Variants in LTK observed in about 807,000 individuals in gnomAD.
LTK encodes the protein leukocyte receptor tyrosine kinase.
In LTK, 117 loss-of-function variants were observed where a neutral mutation model predicts 101.5. The ratio of observed to expected loss-of-function variants is 1.15; its 90% CI spans 0.99 to 1.34. LTK has a LOEUF of 1.34. Among genes scored for constraint, LTK ranks in the 40% most tolerant of loss-of-function variants. The pLI, the probability that LTK is intolerant of heterozygous loss-of-function variation, is 0.00. For missense variants in LTK, 1,252 were observed against 1,164.7 expected (o/e 1.07, Z -1.09); for synonymous variants, 563 against 494.2 (o/e 1.14, Z -1.85).
At chr15:41,509,240 T>C in intron 7 of LTK, 111 bp from the exon 8 acceptor site, 2 of 735,204 alleles carry the variant, frequency 2.7e-6, no homozygotes, top group East Asian at 2.6e-5. Flanking sequence ...AGCATCATGA[T>C]GCAAATGCTG....
intron 3 of LTK, 41 bp downstream of exon 3, chr15:41,512,666 C>A: frequency 6.7e-7 from 1 of 1,502,102 alleles, no homozygotes; most frequent in Middle Eastern, 2.4e-4. Flanking sequence ...AAACCTCCAA[C>A]TAGCAGGTCA....
chr15:41,513,237 C>T lies in LTK; in HGVS notation c.44-117G>A, dbSNP rs1050870819. ...GTCGCGGCCACACCCGTCACCCGGC[C>T]CAGCCGCGCTCTCAGCCTGGAAGCC... On this transcript the variant is annotated intron_variant, in intron 1 of 19. Transcript: ENST00000263800. 1.4e-5 allele frequency: 17 copies of T among 1,240,164 alleles called. No homozygotes were observed. The African/African-American group carries it at 2.4e-4, about 18-fold the overall frequency. 76.8% of individuals were successfully genotyped at this position (1,240,164 alleles called of 1,614,324 possible).
Position 41,504,592 on chromosome 15 carries a change from G to T in LTK, c.2169C>A (p.Pro723=). Residue 723 remains proline, a synonymous_variant, in exon 18 of 20, where the codon CCC becomes CCA. Transcript: ENST00000263800. ...CCTCCTGGTTGGTGCGCCCAGGATAGGGCATGTAGCCCAGTGAGAAGATCT... is the reference window on the plus strand; with the variant it reads ...CCTCCTGGTTGGTGCGCCCAGGATATGGCATGTAGCCCAGTGAGAAGATCT... ...LWEIFSLGYM[P]YPGRTNQEVL... 6.2e-7 allele frequency: 1 copy of T among 1,613,786 alleles called. No individual in the cohort carries two copies.
chr15:41,504,240 G>A lies in LTK; in HGVS notation c.2351C>T (p.Pro784Leu), dbSNP rs758895863. 60 of 1,607,738 alleles carry A rather than the reference G, an allele frequency of 3.7e-5. No individual in the cohort carries two copies. The highest frequency in any genetic ancestry group is 1.1e-4 in the East Asian group (5 of 44,758). Residue 784 changes from proline to leucine, a missense_variant, in exon 20 of 20, where the codon CCG (proline) becomes CTG (leucine). Transcript: ENST00000263800. ...TGGCAGGAGTGAATTCAGCACATCC[G>A]GGTCCTGTAATGGAAGAGTCAGGGA... ...LERLQYCTQD[P>L]DVLNSLLPME...
chr15:41,511,777 G>A lies in LTK; in HGVS notation c.657+40C>T. ...GGTGCGTGAGCGCCCCTGGGGAGAG[G>A]ATTGGGACCCCAACGCTGAGCGCCG... On this transcript the variant is annotated intron_variant, in intron 5 of 19. Transcript: ENST00000263800. This position sits in a 1 kb window ranked among gnomAD's most constrained non-coding sequence, Gnocchi z 5.9. The A allele has an allele frequency of 3.4e-6, 5 of 1,479,250 alleles. No homozygotes were observed. Among genetic ancestry groups the A allele is most frequent in the Non-Finnish European group, 2.7e-6 (3 of 1,126,374 alleles). The allele number at this position is 1,479,250 out of a possible 1,614,324, so 91.6% of individuals were successfully genotyped here.
chr15:41,510,692 C>T (rs1411974085), intron 7 of LTK, among the ~76,000 whole-genome samples: 2 of 152,062 alleles, frequency 1.3e-5, no homozygotes, highest in Non-Finnish European at 2.9e-5. Context: ...AACTGGTGAC[C>T]TCAGGTGATC....
rs1203929943 is a variant in LTK at position 41,505,742 on chromosome 15, C to G, written c.1668G>C (p.Leu556=). 19 of 1,613,948 alleles carry G rather than the reference C, an allele frequency of 1.2e-5. No homozygotes were observed. Among genetic ancestry groups the G allele is most frequent in the Non-Finnish European group, 1.6e-5 (19 of 1,179,948 alleles). The part of the protein sequence containing the change: ...LPELCSPQDE[L]DFLMEALIIS... ...TGATGAGGGCCTCCATGAGGAAATC[C>G]AGCTCATCCTGAGGCGAGCAGAGTT... is the stretch of plus-strand genomic sequence containing the variant. The change falls in exon 13 of 20, where the codon CTG becomes CTC. Residue 556 remains leucine (L), a synonymous_variant. Transcript: ENST00000263800.
rs1267015266 is a variant in LTK at position 41,505,954 on chromosome 15, G to A, written c.1593C>T (p.Gly531=). 1 of 1,614,010 alleles carries A rather than the reference G, an allele frequency of 6.2e-7. No homozygotes were observed. Among genetic ancestry groups the A allele is most frequent in the Non-Finnish European group, 8.5e-7 (1 of 1,179,936 alleles). The change falls in exon 12 of 20, where the codon GGC becomes GGT. Residue 531 remains glycine (G), a synonymous_variant. Transcript: ENST00000263800. ...FGEVYEGLVI[G]LPGDSSPLQV... The stretch of plus-strand genomic sequence containing the variant: ...GCAGGGGACTGGAGTCCCCAGGAAG[G>A]CCAATTACCAGTCCCTCATACACCT...
chr15:41,512,722 C>G lies in LTK; in HGVS notation c.344G>C (p.Gly115Ala), dbSNP rs1171987487. ...GTGCACTTACAGATACTGGCCAGGGCCCGGCACGCGCCACAGCTGCACGCC... is the reference window on the plus strand; with the variant it reads ...GTGCACTTACAGATACTGGCCAGGGGCCGGCACGCGCCACAGCTGCACGCC... ...LRGVQLWRVP[G>A]PGQYLISAYG... The change falls in exon 3 of 20, where the codon GGC becomes GCC. Residue 115 changes from glycine to alanine, a missense_variant. Coordinates refer to ENST00000263800, the MANE Select transcript of LTK (RefSeq NM_002344.6). 4 of 1,596,240 alleles carry G rather than the reference C, an allele frequency of 2.5e-6. No homozygotes were observed. Among genetic ancestry groups the G allele is most frequent in the Non-Finnish European group, 8.5e-7 (1 of 1,173,810 alleles).
Position 41,505,414 on chromosome 15 carries a change from C to A in LTK, c.1814G>T (p.Ser605Ile). Residue 605 changes from serine (S) to isoleucine (I), a missense_variant, in exon 14 of 20, where the codon AGT becomes ATT. Transcript: ENST00000263800. ...GGDMKSFLRH[S>I]RPHLGQPSPL... is the part of the protein sequence containing the mutation. ...CAAGGGTCTCACCAGGTGTGGCCGACTGTGCCTCAGGAAACTCTTCATGTC... is the reference window on the plus strand; with the variant it reads ...CAAGGGTCTCACCAGGTGTGGCCGAATGTGCCTCAGGAAACTCTTCATGTC... 1 of 1,613,960 alleles carries A rather than the reference C, an allele frequency of 6.2e-7. No homozygotes were observed. The highest frequency in any genetic ancestry group is 1.3e-5 in the African/African-American group (1 of 75,000).
Position 41,509,101 on chromosome 15 carries a change from G to C in LTK, c.1026C>G (p.Leu342=), listed in dbSNP as rs780917668. The C allele has an allele frequency of 6.2e-7, 1 of 1,613,904 alleles. No homozygotes were observed. The highest frequency in any genetic ancestry group is 8.5e-7 in the Non-Finnish European group (1 of 1,179,836). ...ATACTCCATCTTCCCCATCAGCCCA[G>C]AGGTTGTCAGTCTCTGAAGCGTCGC... is the stretch of plus-strand genomic sequence containing the variant. ...RGGDASETDN[L]WADGEDGVSF... is the part of the protein sequence containing the mutation. The change falls in exon 8 of 20, where the codon CTC becomes CTG. Residue 342 remains leucine (L), a synonymous_variant. Coordinates refer to ENST00000263800, the MANE Select transcript of LTK (RefSeq NM_002344.6).
chr15:41,511,759 G>A lies in LTK; in HGVS notation c.657+58C>T. 5 of 1,455,240 alleles carry A rather than the reference G, an allele frequency of 3.4e-6. No individual in the cohort carries two copies. Among genetic ancestry groups the A allele is most frequent in the African/African-American group, 1.5e-5 (1 of 66,244 alleles). 90.1% of individuals were successfully genotyped at this position (1,455,240 alleles called of 1,614,324 possible). ...AGGGACGGACGGAGAGCCGGTGCGT[G>A]AGCGCCCCTGGGGAGAGGATTGGGA... On this transcript the variant is annotated intron_variant, in intron 5 of 19. Transcript: ENST00000263800. The surrounding 1 kb of genome is among the most constrained non-coding windows in gnomAD (Gnocchi z 5.9).
At chr15:41,509,185 G>T in intron 7 of LTK, 56 bp from the exon 8 acceptor site, 1 of 1,042,846 alleles carries the variant, frequency 9.6e-7, no homozygotes, top group Non-Finnish European at 1.5e-6. Flanking sequence ...TGGGGGAGAA[G>T]CTGGAATCTC....
In LTK at chr15:41,504,612, A is replaced by T; in HGVS notation, c.2149T>A (p.Phe717Ile). Residue 717 changes from phenylalanine to isoleucine, a missense_variant, in exon 18 of 20, where the codon TTC (phenylalanine) becomes ATC (isoleucine). Physicochemically the swap from Phe to Ile is conservative, Grantham distance 21. Transcript: ENST00000263800. ...GGATAGGGCATGTAGCCCAGTGAGA[A>T]GATCTCCCAGAGCAGCACCCCAAAA... ...WSFGVLLWEI[F>I]SLGYMPYPGR... 6.2e-7 allele frequency: 1 copy of T among 1,613,574 alleles called. No homozygotes were observed. Among genetic ancestry groups the T allele is most frequent in the Non-Finnish European group, 8.5e-7 (1 of 1,179,966 alleles).
At position 41,511,680 on chromosome 15, in the gene LTK, G is replaced by A. The variant is rs2051468241; in HGVS notation, c.658-102C>T. ...CCAGGGGGCCTGGATAAGGGCAGGGGCCCCCAGCCCAGCCCAGGCCAGCCC... is the reference window on the plus strand; with the variant it reads ...CCAGGGGGCCTGGATAAGGGCAGGGACCCCCAGCCCAGCCCAGGCCAGCCC... On this transcript the variant is annotated intron_variant, in intron 5 of 19. Transcript: ENST00000263800. This position sits in a 1 kb window ranked among gnomAD's most constrained non-coding sequence, Gnocchi z 5.9. 1 of 1,406,828 alleles carries A rather than the reference G, an allele frequency of 7.1e-7. No individual in the cohort carries two copies. Among genetic ancestry groups the A allele is most frequent in the Non-Finnish European group, 9.2e-7 (1 of 1,088,848 alleles). The allele number at this position is 1,406,828 out of a possible 1,614,324, so 87.1% of individuals were successfully genotyped here.
chr15:41,512,703 T>C lies in LTK; in HGVS notation c.359+4A>G. On this transcript the variant is annotated splice_donor_region_variant and intron_variant, in intron 3 of 19. Coordinates refer to ENST00000263800, the MANE Select transcript of LTK (RefSeq NM_002344.6). ...TGTCCACCCTACCTCCGCCGTGCAC[T>C]TACAGATACTGGCCAGGGCCCGGCA... is the stretch of plus-strand genomic sequence containing the variant. The C allele has an allele frequency of 6.4e-7, 1 of 1,572,762 alleles. No homozygotes were observed. Among genetic ancestry groups the C allele is most frequent in the Non-Finnish European group, 8.6e-7 (1 of 1,162,470 alleles).
In LTK at chr15:41,512,278, G is replaced by C. The variant is rs749979204; in HGVS notation, c.360-13C>G. The C allele has an allele frequency of 6.2e-7, 1 of 1,609,382 alleles. No individual in the cohort carries two copies. Among genetic ancestry groups the C allele is most frequent in the Non-Finnish European group, 8.5e-7 (1 of 1,177,798 alleles). ...GTAGGCTGAGATCCTGCGGGGAACG[G>C]ACGGTGAGTCCCCGGCCTTCGGTGC... On this transcript the variant is annotated splice_polypyrimidine_tract_variant and intron_variant, in intron 3 of 19. Coordinates refer to ENST00000263800, the MANE Select transcript of LTK (RefSeq NM_002344.6).
intron 14 of LTK, 32 bp downstream of exon 14, chr15:41,505,369 G>A: frequency 6.3e-7 from 1 of 1,590,834 alleles, no homozygotes; most frequent in Non-Finnish European, 8.5e-7. Flanking sequence ...GGTCTTTAGA[G>A]GGGCCTGGGG....
rs2051316632 is a variant in LTK, at chr15:41,507,252, G to A, written c.1384C>T (p.Leu462=). The change falls in exon 11 of 20, where the codon CTG becomes TTG. Residue 462 remains leucine (L), a synonymous_variant. Transcript: ENST00000263800. Reference sequence around the variant, plus strand: ...CTCAGCTCAAGCTCAGGGCTCGGCAGCCTCATCTCCTGCAGGCCCTGCCAC... The same window carrying A: ...CTCAGCTCAAGCTCAGGGCTCGGCAACCTCATCTCCTGCAGGCCCTGCCAC... ...KKWQGLQEMR[L]PSPELELSKL... is the part of the protein sequence containing the mutation. 1.9e-6 allele frequency: 3 copies of A among 1,608,490 alleles called. No individual in the cohort carries two copies. The highest frequency in any genetic ancestry group is 1.7e-5 in the Admixed American group (1 of 58,234).
Sources: gnomAD v4.1 joint callset for allele counts (sites outside exome capture counted in the v4.1 genomes callset) on GRCh38, gnomAD v4.1.1 for gene constraint, Gnocchi (gnomAD v3.1) non-coding constraint, MANE v1.5 for transcripts, NCBI Gene and HGNC (gene_info 2026-07-23, HGNC 2026-07-21) for gene names.